Variants in TMEM135 observed in about 807,000 individuals in gnomAD.
TMEM135 encodes the protein peroxisomal membrane protein 52.
TMEM135 carries 30 observed loss-of-function variants against 60.3 expected under a neutral mutation model. The observed-to-expected ratio is 0.50, with a 90% CI of 0.37 to 0.68. The LOEUF is 0.68. Among genes scored for constraint, TMEM135 ranks in the 30% least tolerant of loss-of-function variants. The pLI, the probability that TMEM135 is intolerant of heterozygous loss-of-function variation, is 0.00. For synonymous variants in TMEM135, 190 were observed against 186.7 expected, an observed-to-expected ratio of 1.02 and a Z score of -0.14; for missense variants, 468 against 548.8, an observed-to-expected ratio of 0.85 and a Z score of 1.47.
At chr11:87,144,185 G>T (rs1938341689) in intron 4 of TMEM135, among the ~76,000 whole-genome samples, 1 of 151,998 alleles carries the variant, frequency 6.6e-6, no homozygotes, top group Non-Finnish European at 1.5e-5. Flanking sequence ...AATTGTATTT[G>T]CTAAGTTATT....
At chr11:87,075,559 G>A (rs1189577312) in intron 3 of TMEM135, among the ~76,000 whole-genome samples, 1 of 152,110 alleles carries the variant, frequency 6.6e-6, no homozygotes, top group East Asian at 1.9e-4. Context: ...GAAACTGTTG[G>A]GATTACAGAT....
rs1281050032 is a variant in TMEM135 at position 87,326,174 on chromosome 11, T to C, written c.*4841T>C. ...TCTGCAGAGCATAACATTCTAATCT[T>C]GTCAGACCGTGGATAATAGGATGTT... On this transcript the variant is annotated 3_prime_UTR_variant, in exon 15 of 15. Transcript: ENST00000305494. 2.2e-6 allele frequency: 1 copy of C among 453,908 alleles called. No homozygotes were observed. The highest frequency in any genetic ancestry group is 6.9e-5 in the East Asian group (1 of 14,392). 28.1% of individuals were successfully genotyped at this position (453,908 alleles called of 1,614,324 possible).
At chr11:87,305,848 GC>G (rs1328888170) in intron 8 of TMEM135, 87 bp from the exon 9 acceptor site, 1 of 771,554 alleles carries the variant, frequency 1.3e-6, no homozygotes, top group African/African-American at 1.8e-5. Flanking sequence ...TGGTTAGAAA[GC>G]TTTAAACAGA....
Position 87,042,894 on chromosome 11 carries a change from T to G in TMEM135, c.141+4708T>G, listed in dbSNP as rs890200688. ...TCCTTTTATTATAATAGTGAATCTT[T>G]GTGTTTTCACAATTTGTAAAGAATA... On this transcript the variant is annotated intron_variant, in intron 1 of 14. Transcript: ENST00000305494. 3.3e-5 allele frequency among the ~76,000 whole-genome samples: 5 copies of G among 152,168 alleles called. No homozygotes were observed. The South Asian group carries it at 1.0e-3, about 31-fold the overall frequency.
chr11:87,202,714 TTTTTTTAAAA>T (rs1940140996), intron 5 of TMEM135, among the ~76,000 whole-genome samples: 2 of 148,222 alleles, frequency 1.3e-5, no homozygotes, highest in African/African-American at 5.0e-5. Context: ...CCCAAGTGAA[TTTTTTTAAAA>T]GACTTTAAAA....
intron 4 of TMEM135, among the ~76,000 whole-genome samples, chr11:87,104,867 G>C (rs192404124): frequency 1.3e-3 from 198 of 152,214 alleles, no homozygotes; most frequent in Non-Finnish European, 1.9e-3. Context: ...TCTACAAACA[G>C]AGATTGTTTT....
At chr11:87,134,543 C>T (rs540681128) in intron 4 of TMEM135, among the ~76,000 whole-genome samples, 1 of 152,196 alleles carries the variant, frequency 6.6e-6, no homozygotes, top group South Asian at 2.1e-4. Flanking sequence ...AGTGCAATAG[C>T]ATTATCACAT....
chr11:87,119,467 C>T (rs1857985554), intron 4 of TMEM135, among the ~76,000 whole-genome samples: 1 of 152,190 alleles, frequency 6.6e-6, no homozygotes, highest in African/African-American at 2.4e-5. Flanking sequence ...CTTTGGGAGG[C>T]CAAGGAGGAC....
chr11:87,320,311 C>T (rs1183653225), intron 14 of TMEM135, among the ~76,000 whole-genome samples: 1 of 152,152 alleles, frequency 6.6e-6, no homozygotes, highest in Admixed American at 6.6e-5. Context: ...ATAAACCAGG[C>T]AGTCTGGCTT....
At chr11:87,194,658 A>G (rs1047097579) in intron 5 of TMEM135, among the ~76,000 whole-genome samples, 1 of 152,122 alleles carries the variant, frequency 6.6e-6, no homozygotes, top group Non-Finnish European at 1.5e-5. Context: ...CTTGTTCCTA[A>G]TTTATTATAT....
intron 6 of TMEM135, among the ~76,000 whole-genome samples, chr11:87,257,156 G>T (rs530270078): frequency 6.6e-6 from 1 of 152,252 alleles, no homozygotes; most frequent in South Asian, 2.1e-4. Context: ...TCTTTTGCAT[G>T]CTGTCTGCTT....
At chr11:87,067,855 A>G in intron 2 of TMEM135, 34 bp downstream of exon 2, 1 of 1,610,862 alleles carries the variant, frequency 6.2e-7, no homozygotes, top group Admixed American at 1.7e-5. Flanking sequence ...ATACTAATAT[A>G]GGTTCTTCTA....
At chr11:87,107,942 A>G (rs1319610551) in intron 4 of TMEM135, among the ~76,000 whole-genome samples, 1 of 152,180 alleles carries the variant, frequency 6.6e-6, no homozygotes, top group Non-Finnish European at 1.5e-5. Context: ...TGAGTTTTGA[A>G]TGATGGCCAT....
rs1942890269 is a variant in TMEM135 at position 87,324,919 on chromosome 11, A to C, written c.*3586A>C. On this transcript the variant is annotated 3_prime_UTR_variant, in exon 15 of 15. Coordinates refer to ENST00000305494, the MANE Select transcript of TMEM135 (RefSeq NM_022918.4). ...CAGCTGAAAATGAGTGGCCAAGAAAAAAATACAAGAAAAGGAATAAGAAGT... is the reference window on the plus strand; with the variant it reads ...CAGCTGAAAATGAGTGGCCAAGAAACAAATACAAGAAAAGGAATAAGAAGT... 1 of 453,940 alleles carries C rather than the reference A, an allele frequency of 2.2e-6. No individual in the cohort carries two copies. Among genetic ancestry groups the C allele is most frequent in the Non-Finnish European group, 4.4e-6 (1 of 226,776 alleles). The allele number at this position is 453,940 out of a possible 1,614,324, so 28.1% of individuals were successfully genotyped here. A position where few individuals can be genotyped will look rare whatever the true frequency, so the allele number is the denominator to read the frequency against.
At chr11:87,060,288 A>C (rs1269305718) in intron 1 of TMEM135, among the ~76,000 whole-genome samples, 1 of 151,986 alleles carries the variant, frequency 6.6e-6, no homozygotes, top group Non-Finnish European at 1.5e-5. Flanking sequence ...TTTTTTGTAG[A>C]CTGGAACTGT....
intron 6 of TMEM135, among the ~76,000 whole-genome samples, chr11:87,237,807 C>G (rs1941035120): frequency 6.6e-6 from 1 of 151,882 alleles, no homozygotes; most frequent in Admixed American, 6.6e-5. Context: ...CCCACCTCCC[C>G]CTGCTCCCCA....
chr11:87,156,950 T>C (rs924615497), intron 4 of TMEM135, among the ~76,000 whole-genome samples: 1 of 152,218 alleles, frequency 6.6e-6, no homozygotes, highest in Non-Finnish European at 1.5e-5. Context: ...ACAATTAAGT[T>C]TGAGCTCTTA....
At chr11:87,256,174 C>T (rs533703471) in intron 6 of TMEM135, among the ~76,000 whole-genome samples, 14 of 152,218 alleles carry the variant, frequency 9.2e-5, no homozygotes, top group African/African-American at 2.2e-4. Flanking sequence ...AACTAAATGT[C>T]GCTTTATGTT....
At chr11:87,041,949 A>G (rs940017567) in intron 1 of TMEM135, among the ~76,000 whole-genome samples, 18 of 152,232 alleles carry the variant, frequency 1.2e-4, no homozygotes, top group African/African-American at 4.3e-4. Context: ...CATTATTGCT[A>G]GAAATGGAGA....
Sources: allele counts gnomAD v4.1 joint callset (sites outside exome capture counted in the v4.1 genomes callset), GRCh38; gene constraint gnomAD v4.1.1; transcripts MANE v1.5; gene names NCBI Gene and HGNC (gene_info 2026-07-23, HGNC 2026-07-21).